KCNN2: variants seen among roughly 807,000 people sequenced by gnomAD.
KCNN2 encodes small conductance calcium-activated potassium channel protein 2.
In KCNN2, 24 loss-of-function variants were observed where a neutral mutation model predicts 55.5. That is an observed-to-expected ratio of 0.43 (90% CI 0.31 to 0.61). The LOEUF (loss-of-function observed/expected upper bound fraction) is 0.61, where lower values mean the gene tolerates loss of function less well. KCNN2 is among the 20% of genes least tolerant of loss of function. The pLI is 0.08. For synonymous variants in KCNN2, 431 were observed against 336.1 expected, an observed-to-expected ratio of 1.28 and a Z score of -3.09; for missense variants, 754 against 853.6, an observed-to-expected ratio of 0.88 and a Z score of 1.45.
intron 3 of KCNN2, among the ~76,000 whole-genome samples, chr5:114,447,694 T>A (rs1454182325): frequency 6.6e-6 from 1 of 152,212 alleles, no homozygotes; most frequent in Non-Finnish European, 1.5e-5. Flanking sequence ...AAAAGTTTGT[T>A]AGACCAATTT....
At chr5:114,432,795 G>T (rs906060977) in intron 3 of KCNN2, among the ~76,000 whole-genome samples, 1 of 152,212 alleles carries the variant, frequency 6.6e-6, no homozygotes, top group South Asian at 2.1e-4. Flanking sequence ...CAGCCCTGCC[G>T]GCCCGGGCAA....
chr5:114,304,645 G>A (rs1193983380), intron 2 of KCNN2, among the ~76,000 whole-genome samples: 1 of 152,136 alleles, frequency 6.6e-6, no homozygotes, highest in Admixed American at 6.5e-5. Flanking sequence ...TTCTCTTCTG[G>A]GGCTGAGACT....
intron 2 of KCNN2, among the ~76,000 whole-genome samples, chr5:114,290,591 T>G (rs1755865887): frequency 6.6e-6 from 1 of 152,124 alleles, no homozygotes; most frequent in Non-Finnish European, 1.5e-5. Flanking sequence ...TATTCTCTAA[T>G]TTTTATTATT....
chr5:114,250,725 G>T lies in KCNN2; in HGVS notation c.-185+29160G>T, dbSNP rs546985572. ...GAAATGCACAAGCAAGATTCAGAGT[G>T]AGCCGTCTATGGTCTATTTTGGGCC... On this transcript the variant is annotated intron_variant, in intron 2 of 10. Transcript: ENST00000512097. Among the ~76,000 whole-genome samples the T allele has an allele frequency of 8.5e-5, 13 of 152,296 alleles. No homozygotes were observed. In the South Asian group the frequency reaches 2.7e-3, roughly 32 times the overall value.
chr5:114,319,200 C>T (rs960232717), intron 2 of KCNN2, among the ~76,000 whole-genome samples: 1 of 152,194 alleles, frequency 6.6e-6, no homozygotes, highest in Non-Finnish European at 1.5e-5. Context: ...CTGGCCCCTT[C>T]TTACAGTCAG....
chr5:114,167,001 C>T (rs548522485), intron 1 of KCNN2, among the ~76,000 whole-genome samples: 10 of 152,266 alleles, frequency 6.6e-5, no homozygotes, highest in Middle Eastern at 3.4e-3. Context: ...TTTCCAGCCT[C>T]CAGAATTGTA....
intron 2 of KCNN2, among the ~76,000 whole-genome samples, chr5:114,327,479 A>G (rs1207772535): frequency 6.6e-6 from 1 of 152,216 alleles, no homozygotes; most frequent in Non-Finnish European, 1.5e-5. Flanking sequence ...CACAGACAAA[A>G]GTCACATGTC....
chr5:114,485,173 G>A (rs1161994346), intron 5 of KCNN2, among the ~76,000 whole-genome samples: 1 of 152,152 alleles, frequency 6.6e-6, no homozygotes, highest in African/African-American at 2.4e-5. Context: ...CCATTGCTGT[G>A]TTTCTGACCC....
chr5:114,359,941 A>G (rs1561584516), upstream of KCNN2, among the ~76,000 whole-genome samples: 1 of 152,192 alleles, frequency 6.6e-6, no homozygotes, highest in African/African-American at 2.4e-5. Context: ...TTTCCACACA[A>G]TTTATGCAGT....
At chr5:114,462,942 A>G in intron 3 of KCNN2, 107 bp from the exon 4 acceptor site, 1 of 1,023,970 alleles carries the variant, frequency 9.8e-7, no homozygotes, top group Non-Finnish European at 1.4e-6. Flanking sequence ...TTCTAAATAT[A>G]GCAGTTTATA....
intron 3 of KCNN2, among the ~76,000 whole-genome samples, chr5:114,439,251 T>C (rs533922423): frequency 6.6e-6 from 1 of 152,330 alleles, no homozygotes; most frequent in East Asian, 1.9e-4. Flanking sequence ...CTTCAGCTAC[T>C]CTGAGGACCA....
At chr5:114,081,003 A>G (rs1580493670) in intron 1 of KCNN2, among the ~76,000 whole-genome samples, 2 of 152,204 alleles carry the variant, frequency 1.3e-5, no homozygotes, top group South Asian at 2.1e-4. Context: ...ACAAATTTAT[A>G]TACAAAAACC....
At chr5:114,432,764 C>G (rs1020756856) in intron 3 of KCNN2, among the ~76,000 whole-genome samples, 42 of 152,290 alleles carry the variant, frequency 2.8e-4, no homozygotes, top group Middle Eastern at 3.4e-3. Flanking sequence ...CTTGGCAGGC[C>G]GCGCACGCCG....
At chr5:114,139,599 T>A (rs1428341307) in intron 1 of KCNN2, among the ~76,000 whole-genome samples, 2 of 149,900 alleles carry the variant, frequency 1.3e-5, no homozygotes, top group Non-Finnish European at 3.0e-5. Context: ...TTATATACTC[T>A]ATATAATATA....
At chr5:114,429,824 T>TC (rs901700985) in intron 3 of KCNN2, among the ~76,000 whole-genome samples, 1 of 145,112 alleles carries the variant, frequency 6.9e-6, no homozygotes, top group Non-Finnish European at 1.5e-5. Context: ...GATGCTTTTT[T>TC]TTTTTTTTTT....
At chr5:114,465,333 C>G (rs114212625) in intron 4 of KCNN2, among the ~76,000 whole-genome samples, 70 of 152,300 alleles carry the variant, frequency 4.6e-4, no homozygotes, top group African/African-American at 1.6e-3. Context: ...GAGGTTATGG[C>G]CTGGCACTGT....
chr5:114,250,064 A>G (rs1245436380), intron 2 of KCNN2, among the ~76,000 whole-genome samples: 1 of 152,186 alleles, frequency 6.6e-6, no homozygotes, highest in Non-Finnish European at 1.5e-5. Context: ...AAGGATGTGC[A>G]TTCCTAGTAA....
chr5:114,254,130 C>G (rs147983118), intron 2 of KCNN2, among the ~76,000 whole-genome samples: 1 of 151,890 alleles, frequency 6.6e-6, no homozygotes, highest in East Asian at 1.9e-4. Context: ...ATATTTCTGG[C>G]AAAGAAATAA....
intron 1 of KCNN2, among the ~76,000 whole-genome samples, chr5:114,084,788 C>T (rs945731509): frequency 7.9e-5 from 12 of 151,820 alleles, no homozygotes; most frequent in Admixed American, 7.2e-4. Context: ...AGAAATTTTA[C>T]GGTTTTTGGT....
Sources: allele counts gnomAD v4.1 joint callset (sites outside exome capture counted in the v4.1 genomes callset), GRCh38; gene constraint gnomAD v4.1.1; transcripts MANE v1.5; gene names NCBI Gene and HGNC (gene_info 2026-07-23, HGNC 2026-07-21).